Variants in SLC25A13 observed in about 807,000 individuals in gnomAD.
SLC25A13 encodes the protein electrogenic aspartate/glutamate antiporter SLC25A13, mitochondrial.
In SLC25A13, 70 loss-of-function variants were observed where a neutral mutation model predicts 85.5. The observed-to-expected ratio is 0.82, with a 90% CI of 0.68 to 1.00. The LOEUF (loss-of-function observed/expected upper bound fraction) is 1.00, where lower values mean the gene tolerates loss of function less well. Among genes scored for constraint, SLC25A13 ranks in the 50% least tolerant of loss-of-function variants. SLC25A13 has a pLI of 0.00. For synonymous variants in SLC25A13, 259 were observed against 288.7 expected, an observed-to-expected ratio of 0.90 and a Z score of 1.04; for missense variants, 765 against 819.8, an observed-to-expected ratio of 0.93 and a Z score of 0.82.
chr7:96,162,521 G>A (rs764263540), intron 13 of SLC25A13, among the ~76,000 whole-genome samples: 5 of 152,076 alleles, frequency 3.3e-5, no homozygotes, highest in African/African-American at 7.2e-5. Context: ...ATGGCCTGGC[G>A]CACAAAGATG....
intron 4 of SLC25A13, among the ~76,000 whole-genome samples, chr7:96,231,763 G>C (rs1796550078): frequency 6.6e-6 from 1 of 151,564 alleles, no homozygotes; most frequent in African/African-American, 2.4e-5. Context: ...CAAACAACAT[G>C]AACAGATATT....
chr7:96,217,860 T>C (rs1264319694), intron 4 of SLC25A13, among the ~76,000 whole-genome samples: 1 of 148,180 alleles, frequency 6.7e-6, no homozygotes, highest in East Asian at 2.0e-4. Context: ...TTGAATTATA[T>C]ACTTTAAATG....
chr7:96,242,771 C>T (rs1264450344), intron 3 of SLC25A13, among the ~76,000 whole-genome samples: 1 of 152,184 alleles, frequency 6.6e-6, no homozygotes, highest in Non-Finnish European at 1.5e-5. Flanking sequence ...TTCGAGTTGT[C>T]CCACCTTTCT....
intron 14 of SLC25A13, 60 bp from the exon 15 acceptor site, chr7:96,131,941 G>A: frequency 1.2e-6 from 2 of 1,609,950 alleles, no homozygotes; most frequent in Non-Finnish European, 1.7e-6. Context: ...AGGAGATCAA[G>A]CTTCTCTGGA....
In SLC25A13 at chr7:96,184,635, GTCATA is replaced by G. The variant is rs1794554232; in HGVS notation, c.1019-205_1019-201del. The G allele has an allele frequency of 4.6e-6, 3 of 647,646 alleles. No homozygotes were observed. The South Asian group carries it at 5.9e-5, about 13-fold the overall frequency. 40.1% of individuals were successfully genotyped at this position (647,646 alleles called of 1,614,324 possible). A position where few individuals can be genotyped will look rare whatever the true frequency, so the allele number is the denominator to read the frequency against. On this transcript the variant is annotated intron_variant, in intron 10 of 17. Coordinates refer to ENST00000265631, the MANE Select transcript of SLC25A13 (RefSeq NM_014251.3). ...TTCAAGTATCCCCTAATAAAAGGAT[GTCATA>G]GATATTTTAAATTAAGGCACATTGC... is the stretch of plus-strand genomic sequence containing the variant.
intron 3 of SLC25A13, among the ~76,000 whole-genome samples, chr7:96,250,597 T>C (rs1438187646): frequency 6.6e-6 from 1 of 151,690 alleles, no homozygotes; most frequent in East Asian, 1.9e-4. Flanking sequence ...ATATAGGTGG[T>C]TTTTTCAACA....
chr7:96,187,791 C>A (rs1297087125), intron 9 of SLC25A13, among the ~76,000 whole-genome samples: 1 of 152,178 alleles, frequency 6.6e-6, no homozygotes, highest in African/African-American at 2.4e-5. Flanking sequence ...CTGCACAGTG[C>A]TGGACAGGCA....
chr7:96,289,126 T>G (rs1799010360), intron 2 of SLC25A13, among the ~76,000 whole-genome samples: 1 of 152,248 alleles, frequency 6.6e-6, no homozygotes, highest in Admixed American at 6.5e-5. Context: ...CAGCCTCCGC[T>G]GCTGATACCC....
intron 4 of SLC25A13, among the ~76,000 whole-genome samples, chr7:96,234,025 A>G (rs944492625): frequency 6.6e-6 from 1 of 152,192 alleles, no homozygotes; most frequent in African/African-American, 2.4e-5. Context: ...TTCATGAGCA[A>G]TGCTACTGCA....
intron 3 of SLC25A13, among the ~76,000 whole-genome samples, chr7:96,236,284 T>C (rs906656190): frequency 6.6e-6 from 1 of 152,032 alleles, no homozygotes; most frequent in Admixed American, 6.6e-5. Context: ...AAGGACATTT[T>C]ATCCTCTACT....
At chr7:96,132,025 AT>A (rs896611912) in intron 14 of SLC25A13, 144 bp from the exon 15 acceptor site, 179 of 1,062,744 alleles carry the variant, frequency 1.7e-4, no homozygotes, top group Non-Finnish European at 3.5e-5. Flanking sequence ...ACAGAAAAAA[AT>A]AACCCAAATT....
At position 96,138,384 on chromosome 7, in the gene SLC25A13, A is replaced by AT. The variant is rs146245546; in HGVS notation, c.1453-6504dup. ...TTATCCTACACCTGCAATTTGTTGC[A>AT]TTTTTTTCTTTTTCTTTTTTTTTTT... On this transcript the variant is annotated intron_variant, in intron 14 of 17. Coordinates refer to ENST00000265631, the MANE Select transcript of SLC25A13 (RefSeq NM_014251.3). 2.5e-3 allele frequency among the ~76,000 whole-genome samples: 365 copies of AT among 146,840 alleles called. 9 individuals are homozygous for AT. Among genetic ancestry groups the AT allele is most frequent in the East Asian group, 0.017 (85 of 5,020 alleles).
chr7:96,210,064 A>AC (rs969225525), intron 4 of SLC25A13, among the ~76,000 whole-genome samples: 2 of 151,940 alleles, frequency 1.3e-5, no homozygotes, highest in African/African-American at 2.4e-5. Context: ...TCCTGCTCCC[A>AC]CCCCCATTAT....
At chr7:96,171,444 A>G (rs1793997260) in intron 12 of SLC25A13, 28 bp downstream of exon 12, 1 of 1,599,670 alleles carries the variant, frequency 6.3e-7, no homozygotes, top group Non-Finnish European at 8.6e-7. Flanking sequence ...AAATCCCTTA[A>G]TAAGAAGCAC....
At chr7:96,248,746 T>C (rs367924847) in intron 3 of SLC25A13, among the ~76,000 whole-genome samples, 1 of 152,222 alleles carries the variant, frequency 6.6e-6, no homozygotes, top group African/African-American at 2.4e-5. Context: ...TTTGAATGAA[T>C]GTTTCTATGA....
At chr7:96,248,651 T>A (rs1247634754) in intron 3 of SLC25A13, among the ~76,000 whole-genome samples, 1 of 152,192 alleles carries the variant, frequency 6.6e-6, no homozygotes, top group East Asian at 1.9e-4. Flanking sequence ...CAATCACGAG[T>A]TCAGTCTGGG....
chr7:96,280,528 C>T (rs1798633720), intron 2 of SLC25A13, among the ~76,000 whole-genome samples: 2 of 152,058 alleles, frequency 1.3e-5, no homozygotes, highest in African/African-American at 4.8e-5. Context: ...CCAGCCTGGG[C>T]AAGATGGCGG....
chr7:96,121,683 G>C lies in SLC25A13; in HGVS notation c.1813C>G (p.Arg605Gly), dbSNP rs80338729. 1 of 1,613,996 alleles carries C rather than the reference G, an allele frequency of 6.2e-7. No homozygotes were observed. Among genetic ancestry groups the C allele is most frequent in the Admixed American group, 1.7e-5 (1 of 60,006 alleles). ...VTLLTYELLQRWFYIDFGGVK... is the reference protein window; with the variant it reads ...VTLLTYELLQGWFYIDFGGVK... Reference sequence around the variant, plus strand: ...CCTCCAAAATCAATGTAGAACCATCGCTGTAGCAATTCGTAAGTCAGCAAA... The same window carrying C: ...CCTCCAAAATCAATGTAGAACCATCCCTGTAGCAATTCGTAAGTCAGCAAA... The change falls in exon 17 of 18, where the codon CGA (arginine) becomes GGA (glycine). Residue 605 changes from arginine (R) to glycine (G), a missense_variant. By Grantham distance (125) the Arg-to-Gly change is moderately radical. Transcript: ENST00000265631.
At chr7:96,170,155 G>A in intron 12 of SLC25A13, 30 bp from the exon 13 acceptor site, 1 of 1,585,228 alleles carries the variant, frequency 6.3e-7, no homozygotes, top group Non-Finnish European at 8.7e-7. Context: ...AGAAGCTGAT[G>A]AAAAATATAA....
Sources: allele counts gnomAD v4.1 joint callset (sites outside exome capture counted in the v4.1 genomes callset), GRCh38; gene constraint gnomAD v4.1.1; transcripts MANE v1.5; gene names NCBI Gene and HGNC (gene_info 2026-07-23, HGNC 2026-07-21).